CAMTA1: variants seen among roughly 807,000 people sequenced by gnomAD.
CAMTA1 encodes calmodulin-binding transcription activator 1.
A neutral mutation model predicts 170.9 loss-of-function variants in CAMTA1; 27 were observed. That is an observed-to-expected ratio of 0.16 (90% CI 0.12 to 0.22). The LOEUF is 0.22. Ranked by LOEUF, CAMTA1 falls within the 10% of genes least tolerant of loss-of-function variation. CAMTA1 has a pLI of 1.00. For synonymous variants in CAMTA1, 833 were observed against 891.5 expected (o/e 0.93, Z 1.17); for missense variants, 1,619 against 2,217.2 (o/e 0.73, Z 5.42).
intron 3 of CAMTA1, among the ~76,000 whole-genome samples, chr1:6,963,394 C>T (rs1294094759): frequency 6.6e-6 from 1 of 151,410 alleles, no homozygotes; most frequent in African/African-American, 2.4e-5. Flanking sequence ...CAATCGGGCC[C>T]CACCCTGTTT....
At chr1:7,320,841 T>G (rs74052033) in intron 5 of CAMTA1, among the ~76,000 whole-genome samples, 3 of 151,914 alleles carry the variant, frequency 2.0e-5, no homozygotes, top group Non-Finnish European at 4.4e-5. Flanking sequence ...GTTGGGCCCA[T>G]GGGCTCAGTG....
chr1:7,348,782 G>A (rs747166538), intron 5 of CAMTA1, among the ~76,000 whole-genome samples: 1 of 152,328 alleles, frequency 6.6e-6, no homozygotes, highest in Non-Finnish European at 1.5e-5. Context: ...GCCACAGTCC[G>A]TTAAGCATCA....
At chr1:6,939,651 G>T (rs1686075952) in intron 3 of CAMTA1, among the ~76,000 whole-genome samples, 1 of 151,534 alleles carries the variant, frequency 6.6e-6, no homozygotes, top group Middle Eastern at 3.2e-3. Flanking sequence ...ACCTTCTGCT[G>T]TCTGGACCCT....
intron 3 of CAMTA1, among the ~76,000 whole-genome samples, chr1:7,068,763 G>T (rs961553325): frequency 2.4e-4 from 36 of 152,250 alleles, no homozygotes; most frequent in Admixed American, 1.3e-3. Context: ...CACTCGAAAG[G>T]CTGCCCTGGG....
intron 6 of CAMTA1, among the ~76,000 whole-genome samples, chr1:7,613,513 C>G (rs1478541237): frequency 6.6e-6 from 1 of 152,182 alleles, no homozygotes; most frequent in Non-Finnish European, 1.5e-5. Context: ...GGCGCAGAGG[C>G]AGCAACCAGC....
At chr1:7,081,695 G>A (rs1304330524) in intron 3 of CAMTA1, among the ~76,000 whole-genome samples, 3 of 152,218 alleles carry the variant, frequency 2.0e-5, no homozygotes, top group East Asian at 3.9e-4. Flanking sequence ...TTGAGGTGGT[G>A]GTCCTCTGGA....
intron 5 of CAMTA1, among the ~76,000 whole-genome samples, chr1:7,436,848 G>T (rs2092364188): frequency 6.6e-6 from 1 of 152,162 alleles, no homozygotes; most frequent in Admixed American, 6.5e-5. Context: ...GGAGCTGAGG[G>T]CCCTGCAATC....
chr1:7,583,104 G>A (rs2095275497), intron 6 of CAMTA1, among the ~76,000 whole-genome samples: 1 of 152,086 alleles, frequency 6.6e-6, no homozygotes, highest in Admixed American at 6.5e-5. Context: ...CCAGTGGTGA[G>A]GCAGCGCCCT....
At chr1:7,166,831 G>A (rs982811046) in intron 4 of CAMTA1, among the ~76,000 whole-genome samples, 5 of 149,512 alleles carry the variant, frequency 3.3e-5, no homozygotes, top group African/African-American at 1.2e-4. Flanking sequence ...TTTAAATTGA[G>A]ATGGAGTCTC....
At chr1:7,409,106 T>C (rs1332520823) in intron 5 of CAMTA1, among the ~76,000 whole-genome samples, 1 of 152,204 alleles carries the variant, frequency 6.6e-6, no homozygotes, top group Non-Finnish European at 1.5e-5. Flanking sequence ...GAGCTACACA[T>C]GGAGCCCAAG....
chr1:7,461,551 C>T (rs1415871787), intron 5 of CAMTA1, among the ~76,000 whole-genome samples: 3 of 152,218 alleles, frequency 2.0e-5, no homozygotes, highest in Non-Finnish European at 2.9e-5. Flanking sequence ...CTAGTGGCTG[C>T]CAAGTTAGAT....
In CAMTA1 at chr1:7,635,608, CAAA is replaced by C. The variant is rs767824479; in HGVS notation, c.511-4775_511-4773del. ...TGGGGGACAGAGCAAGACTCCGTCTCAAAAAAAAAAAAAAAAAAATACAGGGCC... is the reference window on the plus strand; with the variant it reads ...TGGGGGACAGAGCAAGACTCCGTCTCAAAAAAAAAAAAAAAATACAGGGCC... On this transcript the variant is annotated intron_variant, in intron 6 of 22. Coordinates refer to ENST00000303635, the MANE Select transcript of CAMTA1 (RefSeq NM_015215.4). This position sits in a 1 kb window ranked among gnomAD's most constrained non-coding sequence, Gnocchi z 4.4. 2.3e-4 allele frequency among the ~76,000 whole-genome samples: 21 copies of C among 90,206 alleles called. No homozygotes were observed. Among genetic ancestry groups the C allele is most frequent in the African/African-American group, 3.1e-4 (9 of 29,408 alleles). The allele number at this position is 90,206 out of a possible 152,430, so 59.2% of individuals were successfully genotyped here.
chr1:6,801,787 C>T (rs567929190), intron 1 of CAMTA1, among the ~76,000 whole-genome samples: 92 of 150,958 alleles, frequency 6.1e-4, no homozygotes, highest in African/African-American at 2.0e-3. Flanking sequence ...GAGGCTGTGC[C>T]TTAAATAAAC....
chr1:7,339,864 TG>T (rs1050094134), intron 5 of CAMTA1, among the ~76,000 whole-genome samples: 112 of 152,354 alleles, frequency 7.4e-4, no homozygotes, highest in African/African-American at 2.6e-3. Context: ...CTCTGAGTGC[TG>T]GGATTACAGG....
At chr1:7,242,465 C>A (rs1264957281) in intron 4 of CAMTA1, among the ~76,000 whole-genome samples, 2 of 152,138 alleles carry the variant, frequency 1.3e-5, no homozygotes, top group African/African-American at 2.4e-5. Flanking sequence ...TCTCCACTTT[C>A]AGGTTATAGA....
intron 5 of CAMTA1, among the ~76,000 whole-genome samples, chr1:7,461,918 C>G (rs749034783): frequency 6.6e-6 from 1 of 152,262 alleles, no homozygotes; most frequent in Non-Finnish European, 1.5e-5. Flanking sequence ...AGTCCATGAT[C>G]TCCCATACGC....
chr1:7,682,003 C>T lies in CAMTA1; in HGVS notation c.2914+4270C>T, dbSNP rs1348895635. Among the ~76,000 whole-genome samples, 1 of 152,032 alleles carries T rather than the reference C, an allele frequency of 6.6e-6. No individual in the cohort carries two copies. Among genetic ancestry groups the T allele is most frequent in the Non-Finnish European group, 1.5e-5 (1 of 67,980 alleles). On this transcript the variant is annotated intron_variant, in intron 11 of 22. Coordinates refer to ENST00000303635, the MANE Select transcript of CAMTA1 (RefSeq NM_015215.4). The surrounding 1 kb of genome is among the most constrained non-coding windows in gnomAD (Gnocchi z 5.0). The stretch of plus-strand genomic sequence containing the variant: ...GTACCCTGTCCCCACCCCCACCTGC[C>T]GGCCCTTCTTGGAACCCCACTAAGC...
chr1:6,866,947 T>C (rs1485583690), intron 3 of CAMTA1, among the ~76,000 whole-genome samples: 2 of 152,218 alleles, frequency 1.3e-5, no homozygotes, highest in Non-Finnish European at 1.5e-5. Context: ...CCCGTGTGCT[T>C]CTCCATGATC....
At chr1:7,099,661 G>T (rs1378175756) in intron 4 of CAMTA1, among the ~76,000 whole-genome samples, 1 of 152,126 alleles carries the variant, frequency 6.6e-6, no homozygotes, top group African/African-American at 2.4e-5. Flanking sequence ...GCTGGTTAAT[G>T]GAGGGAGCCA....
Sources: allele counts gnomAD v4.1 joint callset (sites outside exome capture counted in the v4.1 genomes callset), GRCh38; gene constraint gnomAD v4.1.1; non-coding constraint Gnocchi (gnomAD v3.1); transcripts MANE v1.5; gene names NCBI Gene and HGNC (gene_info 2026-07-23, HGNC 2026-07-21).